XPR1: variants seen among roughly 807,000 people sequenced by gnomAD.
The protein encoded by XPR1 is solute carrier family 53 member 1.
A neutral mutation model predicts 87.5 loss-of-function variants in XPR1; 28 were observed. The observed-to-expected ratio is 0.32, with a 90% CI of 0.24 to 0.44. The LOEUF is 0.44. Ranked by LOEUF, XPR1 falls within the 20% of genes least tolerant of loss-of-function variation. The probability of loss-of-function intolerance (pLI) is 1.00; values close to 1 mark genes in which losing one functional copy is unlikely to be tolerated. For synonymous variants in XPR1, 300 were observed against 306.1 expected, an observed-to-expected ratio of 0.98 and a Z score of 0.21; for missense variants, 559 against 862.3, an observed-to-expected ratio of 0.65 and a Z score of 4.41.
intron 1 of XPR1, among the ~76,000 whole-genome samples, chr1:180,662,606 T>A (rs1487123002): frequency 6.6e-6 from 1 of 152,228 alleles, no homozygotes; most frequent in Non-Finnish European, 1.5e-5. Flanking sequence ...TAAGGTAATC[T>A]TCTTTGGTTT....
At chr1:180,712,681 CT>C (rs1434039242) in intron 2 of XPR1, among the ~76,000 whole-genome samples, 5 of 152,072 alleles carry the variant, frequency 3.3e-5, no homozygotes, top group Non-Finnish European at 7.4e-5. Context: ...TGGCGTGCAC[CT>C]GTAGTGCCAG....
chr1:180,662,639 CCTT>C (rs1404415151), intron 1 of XPR1, among the ~76,000 whole-genome samples: 1 of 152,106 alleles, frequency 6.6e-6, no homozygotes, highest in Non-Finnish European at 1.5e-5. Context: ...TGTTCTATAA[CCTT>C]CTTGTAGTTG....
intron 2 of XPR1, chr1:180,758,876 C>G (rs1211883838): frequency 6.6e-6 from 1 of 152,362 alleles, no homozygotes; most frequent in Non-Finnish European, 1.5e-5. Context: ...GTAAAGCACT[C>G]CTCAGCAAAT....
chr1:180,658,963 C>T (rs1038285168), intron 1 of XPR1, among the ~76,000 whole-genome samples: 14 of 152,184 alleles, frequency 9.2e-5, no homozygotes, highest in African/African-American at 2.7e-4. Flanking sequence ...ATAAATCTCA[C>T]TTGGTTGTGA....
chr1:180,877,702 A>G (rs1652706881), intron 13 of XPR1, among the ~76,000 whole-genome samples: 1 of 152,144 alleles, frequency 6.6e-6, no homozygotes, highest in African/African-American at 2.4e-5. Flanking sequence ...TTTTATTTGC[A>G]TACTTTATGT....
intron 11 of XPR1, among the ~76,000 whole-genome samples, chr1:180,853,626 GACACACACACACACACACACACACAC>G (rs143320476): frequency 6.9e-4 from 97 of 140,332 alleles, no homozygotes; most frequent in Middle Eastern, 3.6e-3. Context: ...TTAGACTATA[GACACACACACACACACACACACACAC>G]ACACACACAC....
intron 2 of XPR1, among the ~76,000 whole-genome samples, chr1:180,726,604 A>G (rs1052003786): frequency 1.3e-5 from 2 of 152,142 alleles, no homozygotes; most frequent in Non-Finnish European, 2.9e-5. Context: ...TAATAATACT[A>G]AGACTTTATT....
chr1:180,776,493 TAAAAC>T (rs1281551113), intron 2 of XPR1, among the ~76,000 whole-genome samples: 1 of 152,038 alleles, frequency 6.6e-6, no homozygotes, highest in African/African-American at 2.4e-5. Flanking sequence ...ATTATACAAT[TAAAAC>T]AAAGTCCTTG....
chr1:180,655,946 C>T (rs1272309058), intron 1 of XPR1, among the ~76,000 whole-genome samples: 2 of 151,940 alleles, frequency 1.3e-5, no homozygotes, highest in Admixed American at 1.3e-4. Context: ...AACAGCTATT[C>T]TCTCTCTTAC....
chr1:180,655,881 T>C (rs1478522636), intron 1 of XPR1, among the ~76,000 whole-genome samples: 1 of 152,158 alleles, frequency 6.6e-6, no homozygotes, highest in Non-Finnish European at 1.5e-5. Flanking sequence ...CATATTTTGA[T>C]ACAGGCATAC....
intron 1 of XPR1, among the ~76,000 whole-genome samples, chr1:180,660,981 C>T (rs1655753185): frequency 6.6e-6 from 1 of 152,148 alleles, no homozygotes; most frequent in Admixed American, 6.5e-5. Flanking sequence ...TGGAGTTTAT[C>T]TCTCTCTTTA....
rs943645216 is a variant in XPR1, at chr1:180,860,776, G to A, written c.1502-2932G>A. Among the ~76,000 whole-genome samples the A allele has an allele frequency of 8.6e-5, 13 of 150,754 alleles. No homozygotes were observed. In the East Asian group the frequency reaches 1.2e-3, roughly 14 times the overall value. On this transcript the variant is annotated intron_variant, in intron 11 of 14. Coordinates refer to ENST00000367590, the MANE Select transcript of XPR1 (RefSeq NM_004736.4). ...TGTAGTGATGGGTACATGACTCTGC[G>A]TTTGTCAAAATGAGCAGGATGTGAC...
intron 2 of XPR1, among the ~76,000 whole-genome samples, chr1:180,729,326 A>G (rs569545655): frequency 6.6e-6 from 1 of 152,358 alleles, no homozygotes; most frequent in Non-Finnish European, 1.5e-5. Context: ...TCTTTATGGT[A>G]AAACATTTTA....
chr1:180,876,809 T>G (rs1652679371), intron 13 of XPR1, among the ~76,000 whole-genome samples: 1 of 152,216 alleles, frequency 6.6e-6, no homozygotes, highest in Non-Finnish European at 1.5e-5. Flanking sequence ...CACTATAAAC[T>G]TTCCCTTGAA....
chr1:180,781,888 T>A (rs1207468126), intron 2 of XPR1, among the ~76,000 whole-genome samples: 1 of 151,890 alleles, frequency 6.6e-6, no homozygotes, highest in Non-Finnish European at 1.5e-5. Flanking sequence ...CTCTGCCTCC[T>A]AGGTTCAAGC....
chr1:180,687,430 A>G (rs899402245), intron 2 of XPR1, among the ~76,000 whole-genome samples: 8 of 152,190 alleles, frequency 5.3e-5, no homozygotes, highest in Non-Finnish European at 7.4e-5. Flanking sequence ...AACATGTACT[A>G]CTTTCACAAG....
At chr1:180,717,793 A>G (rs1382134289) in intron 2 of XPR1, among the ~76,000 whole-genome samples, 1 of 152,136 alleles carries the variant, frequency 6.6e-6, no homozygotes, top group East Asian at 1.9e-4. Context: ...GAGTATTTAC[A>G]CTATAGAAAT....
intron 1 of XPR1, among the ~76,000 whole-genome samples, chr1:180,665,067 G>A (rs1655913241): frequency 6.6e-6 from 1 of 152,188 alleles, no homozygotes; most frequent in South Asian, 2.1e-4. Context: ...TAAATATAAA[G>A]GAAAGAGGTT....
intron 2 of XPR1, among the ~76,000 whole-genome samples, chr1:180,714,721 T>C (rs1053190229): frequency 1.3e-5 from 2 of 152,082 alleles, no homozygotes; most frequent in Non-Finnish European, 2.9e-5. Context: ...TCTTTTTAAT[T>C]GATTTCCTCT....
Sources: allele counts gnomAD v4.1 joint callset (sites outside exome capture counted in the v4.1 genomes callset), GRCh38; gene constraint gnomAD v4.1.1; transcripts MANE v1.5; gene names NCBI Gene and HGNC (gene_info 2026-07-23, HGNC 2026-07-21).